Variants in ENTREP2 observed in about 807,000 individuals in gnomAD.
ENTREP2 encodes the protein endosomal transmembrane epsin interactor 2.
At chr15:29,153,387 T>C in the ENTREP2 span, among the ~76,000 whole-genome samples, 2 of 152,186 alleles carry the variant, frequency 1.3e-5, no homozygotes, top group Non-Finnish European at 2.9e-5. Flanking sequence ...TGCCAGCCTG[T>C]TGGATTCTGG....
the ENTREP2 span, among the ~76,000 whole-genome samples, chr15:29,514,858 T>A: frequency 1.3e-5 from 2 of 152,206 alleles, no homozygotes; most frequent in Non-Finnish European, 2.9e-5. Flanking sequence ...CGTGAGCAGC[T>A]GGCTCTGTTT....
chr15:29,298,436 C>T, the ENTREP2 span, among the ~76,000 whole-genome samples: 1 of 151,924 alleles, frequency 6.6e-6, no homozygotes, highest in Non-Finnish European at 1.5e-5. Flanking sequence ...AAAAACAATT[C>T]ATTGATAATT....
chr15:29,439,244 G>C, the ENTREP2 span, among the ~76,000 whole-genome samples: 1 of 150,062 alleles, frequency 6.7e-6, no homozygotes, highest in Non-Finnish European at 1.5e-5. Context: ...CAGAATGTAA[G>C]ATGAACCAGG....
chr15:29,253,733 G>A, the ENTREP2 span, among the ~76,000 whole-genome samples: 11 of 152,024 alleles, frequency 7.2e-5, no homozygotes, highest in Middle Eastern at 3.4e-3. Flanking sequence ...GAGCCACCAC[G>A]CCCGGCCAAT....
the ENTREP2 span, among the ~76,000 whole-genome samples, chr15:29,391,893 C>T: frequency 3.3e-5 from 5 of 152,292 alleles, no homozygotes; most frequent in South Asian, 2.1e-4. Flanking sequence ...GACACGAGCT[C>T]GGCTCACCGC....
chr15:29,468,914 A>G, the ENTREP2 span, among the ~76,000 whole-genome samples: 1 of 152,178 alleles, frequency 6.6e-6, no homozygotes, highest in Non-Finnish European at 1.5e-5. Flanking sequence ...ATGATTTTTT[A>G]AAAAGTTCTT....
At chr15:29,438,115 G>T in the ENTREP2 span, among the ~76,000 whole-genome samples, 2 of 152,036 alleles carry the variant, frequency 1.3e-5, no homozygotes, top group East Asian at 3.9e-4. Context: ...GGGCAGCTGT[G>T]TAGACCTACA....
the ENTREP2 span, among the ~76,000 whole-genome samples, chr15:29,458,542 C>T: frequency 5.3e-5 from 8 of 152,114 alleles, no homozygotes; most frequent in Non-Finnish European, 1.0e-4. Context: ...CCCTGCCCCT[C>T]CTCCCAATTT....
At chr15:29,386,537 C>A in the ENTREP2 span, among the ~76,000 whole-genome samples, 3 of 152,170 alleles carry the variant, frequency 2.0e-5, no homozygotes, top group Non-Finnish European at 4.4e-5. Flanking sequence ...TTGTGTCAAG[C>A]TGCAAAGTTT....
At chr15:29,657,362 A>G in the ENTREP2 span, among the ~76,000 whole-genome samples, 1 of 150,138 alleles carries the variant, frequency 6.7e-6, no homozygotes, top group Non-Finnish European at 1.5e-5. Flanking sequence ...CGGCAGTGTT[A>G]CAGTTCTTAC....
the ENTREP2 span, among the ~76,000 whole-genome samples, chr15:29,264,290 T>C: frequency 3.3e-5 from 5 of 152,060 alleles, no homozygotes; most frequent in Middle Eastern, 3.4e-3. Flanking sequence ...AATTTGAGTA[T>C]TGAAATATGT....
At chr15:29,649,690 G>C in the ENTREP2 span, among the ~76,000 whole-genome samples, 2 of 140,746 alleles carry the variant, frequency 1.4e-5, no homozygotes, top group East Asian at 2.1e-4. Context: ...CTGCTCTCCA[G>C]CCTGAGTGAC....
the ENTREP2 span, among the ~76,000 whole-genome samples, chr15:29,258,497 G>GTTT: frequency 4.0e-5 from 6 of 150,636 alleles, no homozygotes; most frequent in African/African-American, 1.5e-4. Context: ...CCTGTTTATT[G>GTTT]TTTTTTTTTA....
chr15:29,475,194 C>T, the ENTREP2 span, among the ~76,000 whole-genome samples: 2 of 152,140 alleles, frequency 1.3e-5, no homozygotes, highest in Non-Finnish European at 2.9e-5. Context: ...CCTCACTGCA[C>T]AGATGCCAAT....
At chr15:29,333,421 A>AC in the ENTREP2 span, among the ~76,000 whole-genome samples, 4 of 151,646 alleles carry the variant, frequency 2.6e-5, no homozygotes, top group Non-Finnish European at 4.4e-5. Flanking sequence ...GACATCCAGC[A>AC]CCCCCCGCCC....
At chr15:29,671,715 A>C in the ENTREP2 span, among the ~76,000 whole-genome samples, 1 of 152,176 alleles carries the variant, frequency 6.6e-6, no homozygotes, top group Non-Finnish European at 1.5e-5. Context: ...TTTTAACATA[A>C]AAATTGGCTC....
At chr15:29,128,922 G>C in the ENTREP2 span, 2 of 1,217,742 alleles carry the variant, frequency 1.6e-6, no homozygotes, top group Non-Finnish European at 2.3e-6. Flanking sequence ...CAGCACAGCA[G>C]CCTCCAGTAG....
At chr15:29,289,609 G>T in the ENTREP2 span, among the ~76,000 whole-genome samples, 1 of 152,152 alleles carries the variant, frequency 6.6e-6, no homozygotes, top group Admixed American at 6.5e-5. Context: ...ACTTTGGGAG[G>T]CCGAGGTGGG....
the ENTREP2 span, among the ~76,000 whole-genome samples, chr15:29,608,543 ATTATTAT>A: frequency 7.1e-6 from 1 of 140,910 alleles, no homozygotes; most frequent in Non-Finnish European, 1.5e-5. Context: ...TATTATTATT[ATTATTAT>A]TTATTTATTA....
Sources: allele counts gnomAD v4.1 joint callset (sites outside exome capture counted in the v4.1 genomes callset), GRCh38; gene constraint gnomAD v4.1.1; transcripts MANE v1.5; gene names NCBI Gene and HGNC (gene_info 2026-07-23, HGNC 2026-07-21).